The following GSG1L variants were observed in gnomAD, a reference collection of about 807,000 sequenced individuals.
The protein encoded by GSG1L is GSG1 like.
GSG1L carries 24 observed loss-of-function variants against 42.1 expected under a neutral mutation model. The ratio of observed to expected loss-of-function variants is 0.57; its 90% CI spans 0.41 to 0.80. The LOEUF (loss-of-function observed/expected upper bound fraction) is 0.80. Among genes scored for constraint, GSG1L ranks in the 30% least tolerant of loss-of-function variants. GSG1L has a pLI of 0.00. For missense variants in GSG1L, 445 were observed against 472.2 expected (o/e 0.94, Z 0.53); for synonymous variants, 215 against 203.5 (o/e 1.06, Z -0.48).
At chr16:27,850,811 A>ATT (rs35635112) in intron 3 of GSG1L, among the ~76,000 whole-genome samples, 2 of 143,208 alleles carry the variant, frequency 1.4e-5, no homozygotes, top group African/African-American at 5.2e-5. Flanking sequence ...TTTTTTTTTT[A>ATT]TTTTTTTTTT....
chr16:27,949,669 T>A (rs2084929319), intron 2 of GSG1L, among the ~76,000 whole-genome samples: 1 of 152,182 alleles, frequency 6.6e-6, no homozygotes, highest in Non-Finnish European at 1.5e-5. Context: ...CTCACGCCTG[T>A]AATCCCAGCA....
At chr16:27,909,381 CTTTTT>C (rs34041209) in intron 2 of GSG1L, among the ~76,000 whole-genome samples, 2 of 117,806 alleles carry the variant, frequency 1.7e-5, no homozygotes, top group Non-Finnish European at 3.5e-5. Flanking sequence ...TCTTCTTTTT[CTTTTT>C]TTTTTTTTTT....
intron 3 of GSG1L, among the ~76,000 whole-genome samples, chr16:27,861,711 A>G (rs553197181): frequency 1.5e-4 from 23 of 152,094 alleles, no homozygotes; most frequent in Non-Finnish European, 2.9e-4. Flanking sequence ...TGTCCCTTGC[A>G]TACCCCAAAG....
chr16:27,936,726 A>G (rs1298989177), intron 2 of GSG1L, among the ~76,000 whole-genome samples: 1 of 152,224 alleles, frequency 6.6e-6, no homozygotes. Flanking sequence ...TCTGGCTCAA[A>G]GTCATCCTCT....
intron 3 of GSG1L, among the ~76,000 whole-genome samples, chr16:27,847,355 A>G (rs772964): frequency 0.29 from 44,376 of 152,070 alleles, 6,752 homozygotes; most frequent in East Asian, 0.45. Flanking sequence ...TTGGCCAGGG[A>G]GCCAGAGCTG....
At chr16:27,808,998 T>C (rs981401050) in intron 5 of GSG1L, among the ~76,000 whole-genome samples, 3 of 152,160 alleles carry the variant, frequency 2.0e-5, no homozygotes, top group African/African-American at 7.2e-5. Context: ...TGTTCCCTCA[T>C]TGCACACATG....
At chr16:28,047,630 C>T (rs1042036572) in intron 1 of GSG1L, among the ~76,000 whole-genome samples, 17 of 151,170 alleles carry the variant, frequency 1.1e-4, no homozygotes, top group African/African-American at 9.7e-5. Context: ...GGAATACAAA[C>T]GAAAGAAAGC....
intron 2 of GSG1L, among the ~76,000 whole-genome samples, chr16:27,899,387 C>T (rs533508492): frequency 6.6e-6 from 1 of 152,288 alleles, no homozygotes; most frequent in East Asian, 1.9e-4. Context: ...ATTTCCTCAC[C>T]TGACTCACAG....
chr16:28,020,083 T>C (rs2085823011), intron 1 of GSG1L, among the ~76,000 whole-genome samples: 1 of 152,206 alleles, frequency 6.6e-6, no homozygotes, highest in Non-Finnish European at 1.5e-5. Flanking sequence ...CTCTCATCAA[T>C]GCCTTCGTTC....
rs145410895 is a variant in GSG1L, at chr16:27,976,628, T to C, written c.350-13425A>G. On this transcript the variant is annotated intron_variant, in intron 1 of 6. Transcript: ENST00000447459. The stretch of plus-strand genomic sequence containing the variant: ...GAGCTGAGGGCTCCAACAGCAGACA[T>C]TGGGCAGCCACATTGAGCCTTACAC... Among the ~76,000 whole-genome samples, 7 of 152,258 alleles carry C rather than the reference T, an allele frequency of 4.6e-5. No individual in the cohort carries two copies. The South Asian group carries it at 8.3e-4, about 18-fold the overall frequency.
At chr16:27,901,436 T>G (rs2084256433) in intron 2 of GSG1L, among the ~76,000 whole-genome samples, 1 of 152,206 alleles carries the variant, frequency 6.6e-6, no homozygotes, top group South Asian at 2.1e-4. Context: ...CCTCAGTTCT[T>G]AGATCCTGAA....
At position 27,797,821 on chromosome 16, in the gene GSG1L, CAAAAAAAAAAAA is replaced by C. The variant is rs59207468; in HGVS notation, c.899-6366_899-6355del. ...TGGGTGACAGAGAGAGACTCCATCT[CAAAAAAAAAAAA>C]AAAAAAAAAAGAGAGAGAGAGAGAA... On this transcript the variant is annotated intron_variant, in intron 6 of 6. Transcript: ENST00000447459. Among the ~76,000 whole-genome samples, 6 of 77,190 alleles carry C rather than the reference CAAAAAAAAAAAA, an allele frequency of 7.8e-5. 1 individual carries two copies. The East Asian group carries it at 2.9e-3, about 38-fold the overall frequency. 50.6% of individuals were successfully genotyped at this position (77,190 alleles called of 152,430 possible).
Position 28,059,109 on chromosome 16 carries a change from G to T in GSG1L, c.349+3967C>A, listed in dbSNP as rs558737470. On this transcript the variant is annotated intron_variant, in intron 1 of 6. Transcript: ENST00000447459. The surrounding 1 kb of genome is among the most constrained non-coding windows in gnomAD (Gnocchi z 4.4). ...TGGTGCTCCCCACTCCCTGCCCTAC[G>T]TCACCAAATCCTTGCATCTCCGGCG... 6.6e-6 allele frequency among the ~76,000 whole-genome samples: 1 copy of T among 152,140 alleles called. No homozygotes were observed. Among genetic ancestry groups the T allele is most frequent in the African/African-American group, 2.4e-5 (1 of 41,416 alleles).
At chr16:27,973,757 C>A (rs189524220) in intron 1 of GSG1L, among the ~76,000 whole-genome samples, 11 of 152,222 alleles carry the variant, frequency 7.2e-5, no homozygotes, top group African/African-American at 2.6e-4. Context: ...TGAAGATCAC[C>A]AACGCTGGTG....
chr16:28,038,173 G>C (rs1346410664), intron 1 of GSG1L, among the ~76,000 whole-genome samples: 1 of 152,234 alleles, frequency 6.6e-6, no homozygotes, highest in South Asian at 2.1e-4. Context: ...ACAGGATCTT[G>C]CTCTGTTGCC....
chr16:27,821,601 C>A (rs1046711097), intron 5 of GSG1L, among the ~76,000 whole-genome samples: 2 of 151,968 alleles, frequency 1.3e-5, no homozygotes, highest in African/African-American at 4.8e-5. Flanking sequence ...AAAACTCAGC[C>A]CAAATTTAAG....
intron 1 of GSG1L, among the ~76,000 whole-genome samples, chr16:27,976,147 C>G (rs539442185): frequency 6.6e-6 from 1 of 152,086 alleles, no homozygotes; most frequent in African/African-American, 2.4e-5. Flanking sequence ...CAGTGGTGCA[C>G]GCCTGTAATC....
At chr16:27,801,020 G>T (rs985032376) in intron 6 of GSG1L, among the ~76,000 whole-genome samples, 1 of 152,128 alleles carries the variant, frequency 6.6e-6, no homozygotes, top group African/African-American at 2.4e-5. Flanking sequence ...CGGAGGAAGC[G>T]GCCTTTCAGC....
chr16:27,806,747 C>T (rs995244160), intron 6 of GSG1L, among the ~76,000 whole-genome samples: 4 of 152,208 alleles, frequency 2.6e-5, no homozygotes, highest in Non-Finnish European at 5.9e-5. Context: ...TCTGCTGTGA[C>T]TCCTCTGCCA....
Sources: allele counts gnomAD v4.1 joint callset (sites outside exome capture counted in the v4.1 genomes callset), GRCh38; gene constraint gnomAD v4.1.1; non-coding constraint Gnocchi (gnomAD v3.1); transcripts MANE v1.5; gene names NCBI Gene and HGNC (gene_info 2026-07-23, HGNC 2026-07-21).